Variants in OLFM2 observed in about 807,000 individuals in gnomAD.
The protein encoded by OLFM2 is olfactomedin 2, also known as noelin-2.
OLFM2 carries 20 observed loss-of-function variants against 43.9 expected under a neutral mutation model. The observed-to-expected ratio is 0.46, with a 90% CI of 0.32 to 0.66. The LOEUF (loss-of-function observed/expected upper bound fraction) is 0.66. OLFM2 is among the 30% of genes least tolerant of loss of function. The pLI is 0.04. For missense variants in OLFM2, 416 were observed against 643.6 expected, an observed-to-expected ratio of 0.65 and a Z score of 3.83; for synonymous variants, 268 against 278.6, an observed-to-expected ratio of 0.96 and a Z score of 0.38.
chr19:9,876,645 G>C (rs970063023), intron 1 of OLFM2, among the ~76,000 whole-genome samples: 1 of 152,170 alleles, frequency 6.6e-6, no homozygotes, highest in Non-Finnish European at 1.5e-5. Flanking sequence ...CCCAGTGGAG[G>C]TGGGAGGACG....
Position 9,857,411 on chromosome 19 carries a change from C to T in OLFM2, c.432G>A (p.Arg144=). The T allele has an allele frequency of 5.0e-6, 8 of 1,614,226 alleles. No homozygotes were observed. The highest frequency in any genetic ancestry group is 6.8e-6 in the Non-Finnish European group (8 of 1,180,038). Residue 144 remains arginine, a synonymous_variant, in exon 4 of 6, where the codon CGG becomes CGA. Coordinates refer to ENST00000264833, the MANE Select transcript of OLFM2 (RefSeq NM_058164.4). This position sits in a 1 kb window ranked among gnomAD's most constrained non-coding sequence, Gnocchi z 5.7. ...CCTCCTCCCGCAAGCGTACAATGGT[C>T]CGCGTGTCTGCCTTGTACTGCTCCA... is the stretch of plus-strand genomic sequence containing the variant. The part of the protein sequence containing the change: ...SVLEQYKADT[R]TIVRLREEVR...
chr19:9,885,532 T>TGCTAGC (rs2046579131), intron 1 of OLFM2, among the ~76,000 whole-genome samples: 2 of 149,408 alleles, frequency 1.3e-5, no homozygotes, highest in South Asian at 4.3e-4. Context: ...GGCGGCTCAT[T>TGCTAGC]GCTAGCAGCT....
intron 1 of OLFM2, among the ~76,000 whole-genome samples, chr19:9,914,826 C>G (rs2046862249): frequency 1.3e-5 from 2 of 152,034 alleles, no homozygotes; most frequent in African/African-American, 4.8e-5. Flanking sequence ...CACGCCCCCT[C>G]CTGGCGTCCC....
intron 1 of OLFM2, among the ~76,000 whole-genome samples, chr19:9,891,755 TG>T: frequency 6.6e-6 from 1 of 152,174 alleles, no homozygotes; most frequent in African/African-American, 2.4e-5. Flanking sequence ...CTCTGAGACT[TG>T]GGGGCTGTTT....
At chr19:9,900,217 T>C (rs73500949) in intron 1 of OLFM2, among the ~76,000 whole-genome samples, 8,081 of 151,266 alleles carry the variant, frequency 0.053, 704 homozygotes, top group African/African-American at 0.19. Context: ...CAAATGAAAA[T>C]GAAGAGAGGT....
At chr19:9,905,624 CAA>C (rs55683294) in intron 1 of OLFM2, among the ~76,000 whole-genome samples, 27 of 75,680 alleles carry the variant, frequency 3.6e-4, no homozygotes, top group Admixed American at 3.1e-4. Flanking sequence ...GACTCCATCT[CAA>C]AAAAAAAAAA....
chr19:9,904,618 G>T (rs906359185), intron 1 of OLFM2, among the ~76,000 whole-genome samples: 11 of 151,970 alleles, frequency 7.2e-5, no homozygotes, highest in African/African-American at 2.7e-4. Flanking sequence ...GTTGAGAAGT[G>T]ACTCTGAGGG....
intron 1 of OLFM2, among the ~76,000 whole-genome samples, chr19:9,892,035 G>C (rs2046644147): frequency 2.6e-5 from 4 of 152,166 alleles, no homozygotes; most frequent in Admixed American, 1.3e-4. Flanking sequence ...CACTATTGCA[G>C]ATGTGAAACT....
In OLFM2 at chr19:9,861,203, G is replaced by GTTT. The variant is rs113853813; in HGVS notation, c.64-412_64-410dup. 5.3e-3 allele frequency among the ~76,000 whole-genome samples: 682 copies of GTTT among 129,736 alleles called. 6 individuals are homozygous for GTTT. The highest frequency in any genetic ancestry group is 0.016 in the Middle Eastern group (4 of 252). 85.1% of individuals were successfully genotyped at this position (129,736 alleles called of 152,430 possible). On this transcript the variant is annotated intron_variant, in intron 1 of 5. Coordinates refer to ENST00000264833, the MANE Select transcript of OLFM2 (RefSeq NM_058164.4). ...TGGAGCTATCTCAGGGCCACTTAATGTTTTTTTTTTTTTTTGGTTTGTTTT... is the reference window on the plus strand; with the variant it reads ...TGGAGCTATCTCAGGGCCACTTAATGTTTTTTTTTTTTTTTTTTGGTTTGTTTT...
At chr19:9,870,071 T>A (rs114074339) in intron 1 of OLFM2, among the ~76,000 whole-genome samples, 2,557 of 150,600 alleles carry the variant, frequency 0.017, 67 homozygotes, top group African/African-American at 0.058. Context: ...TAAAAAAAAA[T>A]TTTTTTTTTG....
chr19:9,885,965 C>T (rs1340051778), intron 1 of OLFM2, among the ~76,000 whole-genome samples: 1 of 151,766 alleles, frequency 6.6e-6, no homozygotes, highest in Non-Finnish European at 1.5e-5. Flanking sequence ...GGTGTGGTGG[C>T]GCACACCTGT....
chr19:9,929,426 T>C (rs1026428252), intron 1 of OLFM2, among the ~76,000 whole-genome samples: 2 of 150,558 alleles, frequency 1.3e-5, no homozygotes, highest in African/African-American at 2.4e-5. Context: ...AGAAACCCTG[T>C]CTCTACTAAA....
rs183757808 is a variant in OLFM2, at chr19:9,856,514, A to G, written c.687+293T>C. Among the ~76,000 whole-genome samples the G allele has an allele frequency of 7.9e-5, 12 of 152,300 alleles. No homozygotes were observed. Among genetic ancestry groups the G allele is most frequent in the African/African-American group, 1.2e-4 (5 of 41,542 alleles). On this transcript the variant is annotated intron_variant, in intron 5 of 5. Coordinates refer to ENST00000264833, the MANE Select transcript of OLFM2 (RefSeq NM_058164.4). The surrounding 1 kb of genome is among the most constrained non-coding windows in gnomAD (Gnocchi z 4.0). ...AGAGGTCTCTTGTCCTTGGGAGGGC[A>G]TTGGTCATTGGGTAGTTACTTGGAC... is the stretch of plus-strand genomic sequence containing the variant.
At chr19:9,916,234 G>A (rs1335962983) in intron 1 of OLFM2, among the ~76,000 whole-genome samples, 1 of 152,106 alleles carries the variant, frequency 6.6e-6, no homozygotes, top group Non-Finnish European at 1.5e-5. Flanking sequence ...GTGCACGCCT[G>A]TAATCCCAGC....
At chr19:9,855,578 G>C (rs1308971576) in intron 5 of OLFM2, among the ~76,000 whole-genome samples, 1 of 150,894 alleles carries the variant, frequency 6.6e-6, no homozygotes, top group Non-Finnish European at 1.5e-5. Flanking sequence ...GTTTTTCCCA[G>C]GCTGGCGGGC....
At chr19:9,934,250 T>G (rs1024527243) in intron 1 of OLFM2, among the ~76,000 whole-genome samples, 2 of 152,180 alleles carry the variant, frequency 1.3e-5, no homozygotes, top group South Asian at 4.1e-4. Flanking sequence ...TTCACAACCA[T>G]GTAGTTCCCG....
intron 1 of OLFM2, among the ~76,000 whole-genome samples, chr19:9,933,654 C>T (rs937512207): frequency 1.3e-5 from 2 of 148,160 alleles, no homozygotes; most frequent in Non-Finnish European, 3.0e-5. Context: ...CTCCCAGGTT[C>T]AAGCAATTCT....
At chr19:9,859,884 G>A (rs1263573035) in intron 2 of OLFM2, among the ~76,000 whole-genome samples, 3 of 152,012 alleles carry the variant, frequency 2.0e-5, no homozygotes, top group South Asian at 2.1e-4. Flanking sequence ...GCTCACGCCT[G>A]TAATCCCCGC....
At chr19:9,874,025 C>G (rs1389761239) in intron 1 of OLFM2, among the ~76,000 whole-genome samples, 1 of 151,938 alleles carries the variant, frequency 6.6e-6, no homozygotes, top group Non-Finnish European at 1.5e-5. Flanking sequence ...CTCCTGTGTA[C>G]CTCTCATCCT....
Sources: allele counts gnomAD v4.1 joint callset (sites outside exome capture counted in the v4.1 genomes callset), GRCh38; gene constraint gnomAD v4.1.1; non-coding constraint Gnocchi (gnomAD v3.1); transcripts MANE v1.5; gene names NCBI Gene and HGNC (gene_info 2026-07-23, HGNC 2026-07-21).